The following RTL4 variants were observed in gnomAD, a reference collection of about 807,000 sequenced individuals.
RTL4 encodes the protein retrotransposon Gag-like protein 4.
A neutral mutation model predicts 5.3 loss-of-function variants in RTL4; 4 were observed. The observed-to-expected ratio is 0.75, with a 90% confidence interval of 0.37 to 1.72. The LOEUF is 1.72. RTL4 is among the 40% of genes most tolerant of loss of function. The pLI, the probability that RTL4 is intolerant of heterozygous loss-of-function variation, is 0.04. For synonymous variants in RTL4, 98 were observed against 87.3 expected (o/e 1.12, Z -0.68); for missense variants, 260 against 227.1 (o/e 1.14, Z -0.93).
chrX:112,160,351 T>C, the RTL4 span, among the ~76,000 whole-genome samples: 1 of 112,109 alleles, frequency 8.9e-6, no homozygotes, highest in South Asian at 3.7e-4. Context: ...TTTAGACTTG[T>C]CTCTGCAAGT....
the RTL4 span, among the ~76,000 whole-genome samples, chrX:112,330,577 C>T: frequency 9.0e-6 from 1 of 110,789 alleles, no homozygotes; most frequent in Admixed American, 9.6e-5. Flanking sequence ...AATGGCCATA[C>T]TGCCCAAGGT....
the RTL4 span, among the ~76,000 whole-genome samples, chrX:112,296,663 G>T: frequency 9.8e-6 from 1 of 102,437 alleles, no homozygotes; most frequent in Admixed American, 1.1e-4. Flanking sequence ...AGGCTGGAGT[G>T]CAGTGGCACA....
chrX:112,282,848 G>A, the RTL4 span, among the ~76,000 whole-genome samples: 2 of 111,448 alleles, frequency 1.8e-5, no homozygotes, highest in Non-Finnish European at 3.8e-5. Flanking sequence ...AAGAAATTGG[G>A]TGAAAAAAGA....
chrX:112,412,814 T>C, the RTL4 span, among the ~76,000 whole-genome samples: 1 of 111,145 alleles, frequency 9.0e-6, no homozygotes, highest in Non-Finnish European at 1.9e-5. Context: ...TTTTGAGTAA[T>C]ACTCCACAAA....
chrX:112,199,115 T>C, the RTL4 span, among the ~76,000 whole-genome samples: 2 of 109,823 alleles, frequency 1.8e-5, no homozygotes, highest in Non-Finnish European at 3.8e-5. Context: ...GGTGAAACCC[T>C]GTCTCTACTA....
chrX:112,208,993 A>G, the RTL4 span, among the ~76,000 whole-genome samples: 4 of 112,268 alleles, frequency 3.6e-5, no homozygotes, highest in African/African-American at 9.7e-5. Flanking sequence ...AGTCCATGTT[A>G]CTGAGCCCAT....
chrX:112,281,545 G>A, the RTL4 span, among the ~76,000 whole-genome samples: 4 of 110,463 alleles, frequency 3.6e-5, no homozygotes, highest in Admixed American at 1.9e-4. Context: ...TTCTATTTCT[G>A]TTTTTTTAAG....
the RTL4 span, among the ~76,000 whole-genome samples, chrX:112,208,088 A>T: frequency 8.9e-6 from 1 of 111,821 alleles, no homozygotes; most frequent in African/African-American, 3.2e-5. Context: ...AAATCAAAGC[A>T]TCTACTGCAA....
At chrX:112,289,181 G>A in the RTL4 span, among the ~76,000 whole-genome samples, 2 of 112,115 alleles carry the variant, frequency 1.8e-5, no homozygotes, top group African/African-American at 6.5e-5. Flanking sequence ...GAAATGGTCA[G>A]GGTGCCTGGT....
At chrX:112,095,544 A>C in the RTL4 span, among the ~76,000 whole-genome samples, 1 of 111,674 alleles carries the variant, frequency 9.0e-6, no homozygotes, top group East Asian at 2.8e-4. Flanking sequence ...ATCCAATACC[A>C]ATATATAGAG....
the RTL4 span, among the ~76,000 whole-genome samples, chrX:112,091,538 T>C: frequency 1.8e-5 from 2 of 112,102 alleles, no homozygotes; most frequent in Non-Finnish European, 3.8e-5. Context: ...CACATATTTG[T>C]GAAATTTTGT....
the RTL4 span, among the ~76,000 whole-genome samples, chrX:112,218,950 C>T: frequency 9.3e-4 from 104 of 111,675 alleles, no homozygotes; most frequent in Non-Finnish European, 1.2e-3. Flanking sequence ...TTCTTAAATG[C>T]ATTTTAGGAT....
At chrX:112,349,849 C>A in the RTL4 span, among the ~76,000 whole-genome samples, 1 of 106,115 alleles carries the variant, frequency 9.4e-6, no homozygotes, top group East Asian at 3.0e-4. Context: ...ATTGAATACC[C>A]TTTATTTCCT....
the RTL4 span, among the ~76,000 whole-genome samples, chrX:112,426,745 A>G: frequency 5.0e-4 from 56 of 111,293 alleles, 1 homozygote; most frequent in Admixed American, 4.1e-3. Flanking sequence ...GCAAAAAAAG[A>G]AGTTTTATTT....
chrX:112,189,024 A>G, the RTL4 span, among the ~76,000 whole-genome samples: 2 of 111,299 alleles, frequency 1.8e-5, no homozygotes, highest in African/African-American at 6.5e-5. Context: ...TTTTATTTTT[A>G]TAGCTAGTGT....
At chrX:112,456,426 C>T in exon 1 of RTL4, 1 of 308,233 alleles carries the variant, frequency 3.2e-6, no homozygotes, top group South Asian at 2.0e-4. Context: ...TTTAGCCAAG[C>T]CCACCAATTC....
At chrX:112,105,811 A>G in the RTL4 span, among the ~76,000 whole-genome samples, 3 of 111,359 alleles carry the variant, frequency 2.7e-5, no homozygotes, top group Admixed American at 9.6e-5. Context: ...ATGTAAGTTT[A>G]TGTCATCTGC....
the RTL4 span, among the ~76,000 whole-genome samples, chrX:112,114,195 G>A: frequency 9.0e-6 from 1 of 111,350 alleles, no homozygotes; most frequent in South Asian, 3.8e-4. Context: ...TAATTTATGG[G>A]CTTTTTCCTA....
the RTL4 span, among the ~76,000 whole-genome samples, chrX:112,355,900 T>C: frequency 2.7e-5 from 3 of 111,422 alleles, no homozygotes; most frequent in Non-Finnish European, 5.7e-5. Flanking sequence ...CAGAATAATA[T>C]CACATTTTAG....
Sources: gnomAD v4.1 joint callset for allele counts (sites outside exome capture counted in the v4.1 genomes callset) on GRCh38, gnomAD v4.1.1 for gene constraint, MANE v1.5 for transcripts, NCBI Gene and HGNC (gene_info 2026-07-23, HGNC 2026-07-21) for gene names.